NAALADL2: variants seen among roughly 807,000 people sequenced by gnomAD.
The protein encoded by NAALADL2 is N-acetylated alpha-linked acidic dipeptidase like 2.
A neutral mutation model predicts 87.2 loss-of-function variants in NAALADL2; 76 were observed. The ratio of observed to expected loss-of-function variants is 0.87; its 90% CI spans 0.72 to 1.05. The LOEUF (loss-of-function observed/expected upper bound fraction) is 1.05, where lower values mean the gene tolerates loss of function less well. NAALADL2 is among the 50% of genes least tolerant of loss of function. NAALADL2 has a pLI of 0.00. For synonymous variants in NAALADL2, 354 were observed against 331.0 expected (o/e 1.07, Z -0.75); for missense variants, 1,089 against 945.8 (o/e 1.15, Z -1.99).
intron 3 of NAALADL2, among the ~76,000 whole-genome samples, chr3:174,787,611 A>ATATATATATGTATATATATG (rs1414837665): frequency 3.5e-5 from 4 of 114,030 alleles, no homozygotes; most frequent in African/African-American, 1.2e-4. Context: ...ATATATATAT[A>ATATATATATGTATATATATG]TATATATATA....
intron 5 of NAALADL2, among the ~76,000 whole-genome samples, chr3:175,442,582 TTGTA>T (rs1389577604): frequency 1.3e-5 from 2 of 152,162 alleles, no homozygotes; most frequent in Non-Finnish European, 2.9e-5. Context: ...AATTATTTAT[TTGTA>T]ACATTTCAAA....
rs34961612 is a variant in NAALADL2 at position 174,763,666 on chromosome 3, T to C, written c.-9+25920T>C. On this transcript the variant is annotated intron_variant, in intron 3 of 3. Coordinates refer to the NAALADL2 transcript ENST00000434257. ...TTTGATTGCAGCAGACAAAGTTCAG[T>C]GAATTTGCAATGTATCTAGTGTTAA... 2.0e-3 allele frequency among the ~76,000 whole-genome samples: 302 copies of C among 149,834 alleles called. 1 individual carries two copies. The highest frequency in any genetic ancestry group is 7.2e-3 in the African/African-American group (294 of 40,656).
rs1021544005 is a variant in NAALADL2, at chr3:175,151,289, G to A, written c.545+53998G>A. 2.0e-5 allele frequency among the ~76,000 whole-genome samples: 3 copies of A among 152,126 alleles called. No homozygotes were observed. The South Asian group carries it at 6.2e-4, about 31-fold the overall frequency. On this transcript the variant is annotated intron_variant, in intron 2 of 13. Transcript: ENST00000454872. Reference sequence around the variant, plus strand: ...TATGGAAGCCAGGATGAGTTGTCAAGTTCTTATTCACAGAGCAACCACATG... The same window carrying A: ...TATGGAAGCCAGGATGAGTTGTCAAATTCTTATTCACAGAGCAACCACATG...
chr3:175,728,195 A>G (rs1252859848), intron 11 of NAALADL2, among the ~76,000 whole-genome samples: 1 of 152,190 alleles, frequency 6.6e-6, no homozygotes, highest in Non-Finnish European at 1.5e-5. Context: ...CGAATATACA[A>G]GAAACATATC....
intron 2 of NAALADL2, among the ~76,000 whole-genome samples, chr3:174,592,958 G>A (rs1717533294): frequency 6.6e-6 from 1 of 152,018 alleles, no homozygotes; most frequent in African/African-American, 2.4e-5. Flanking sequence ...AAAGGAAGAG[G>A]TAGAGAGAGA....
Position 175,225,687 on chromosome 3 carries a change from T to C in NAALADL2, c.546-8244T>C, listed in dbSNP as rs532040238. On this transcript the variant is annotated intron_variant, in intron 2 of 13. Coordinates refer to ENST00000454872, the MANE Select transcript of NAALADL2 (RefSeq NM_207015.3). ...TTTATTCAGTTATCTATTCACTTAC[T>C]TGAAAAAAATAGAAATAATGACTCT... Among the ~76,000 whole-genome samples the C allele has an allele frequency of 3.3e-5, 5 of 152,270 alleles. No homozygotes were observed. The East Asian group carries it at 5.8e-4, about 18-fold the overall frequency.
intron 4 of NAALADL2, among the ~76,000 whole-genome samples, chr3:175,267,034 TAAA>T (rs11430705): frequency 1.4e-5 from 2 of 146,858 alleles, no homozygotes; most frequent in African/African-American, 5.0e-5. Context: ...GTAAAACTAG[TAAA>T]AAAAAAAAAG....
At chr3:175,733,528 G>T (rs1744074058) in intron 11 of NAALADL2, among the ~76,000 whole-genome samples, 1 of 152,132 alleles carries the variant, frequency 6.6e-6, no homozygotes, top group Admixed American at 6.5e-5. Flanking sequence ...TACAAGATGA[G>T]ATTTGGGTGG....
chr3:175,402,389 G>T (rs1770671512), intron 5 of NAALADL2, among the ~76,000 whole-genome samples: 1 of 151,900 alleles, frequency 6.6e-6, no homozygotes, highest in Non-Finnish European at 1.5e-5. Context: ...CTCATAACTG[G>T]GTCTCCTTCA....
chr3:175,028,628 C>T (rs1239697567), intron 1 of NAALADL2, among the ~76,000 whole-genome samples: 1 of 151,968 alleles, frequency 6.6e-6, no homozygotes, highest in African/African-American at 2.4e-5. Context: ...AAATTTTATA[C>T]ATTAAAATGT....
At chr3:175,217,991 T>C in intron 2 of NAALADL2, 1 of 323,150 alleles carries the variant, frequency 3.1e-6, no homozygotes, top group Admixed American at 3.8e-5. Context: ...CTGTGCTAAT[T>C]TAGCTGTCAT....
chr3:175,022,797 A>C (rs888135188), intron 1 of NAALADL2, among the ~76,000 whole-genome samples: 2 of 152,100 alleles, frequency 1.3e-5, no homozygotes, highest in Non-Finnish European at 2.9e-5. Flanking sequence ...AGACTGCTCA[A>C]AGCACATATT....
chr3:175,107,436 A>T (rs1278031350), intron 2 of NAALADL2, among the ~76,000 whole-genome samples: 3 of 151,876 alleles, frequency 2.0e-5, no homozygotes, highest in Non-Finnish European at 4.4e-5. Context: ...CTTGCCAAAC[A>T]TTCACAATTG....
chr3:174,606,498 A>AAGGCTTG (rs199498525), intron 2 of NAALADL2, among the ~76,000 whole-genome samples: 2,545 of 152,328 alleles, frequency 0.017, 83 homozygotes, highest in African/African-American at 0.057. Context: ...GCTGAAAGCC[A>AAGGCTTG]AGGCTTGAGA....
At chr3:175,597,172 T>C (rs898554440) in intron 10 of NAALADL2, among the ~76,000 whole-genome samples, 1 of 152,042 alleles carries the variant, frequency 6.6e-6, no homozygotes, top group Non-Finnish European at 1.5e-5. Context: ...AAGCAGAGGG[T>C]ACAACATATC....
intron 11 of NAALADL2, among the ~76,000 whole-genome samples, chr3:175,630,544 A>C (rs981443422): frequency 6.6e-6 from 1 of 151,798 alleles, no homozygotes; most frequent in Admixed American, 6.6e-5. Context: ...TGTTTTTACT[A>C]TAAAATATAC....
At chr3:174,904,062 T>C (rs1732664919) in intron 1 of NAALADL2, among the ~76,000 whole-genome samples, 1 of 151,702 alleles carries the variant, frequency 6.6e-6, no homozygotes, top group Non-Finnish European at 1.5e-5. Flanking sequence ...AGCTTATAGA[T>C]ATACAGAGAT....
intron 2 of NAALADL2, among the ~76,000 whole-genome samples, chr3:174,711,797 T>A (rs971987949): frequency 1.3e-5 from 2 of 152,202 alleles, no homozygotes; most frequent in Non-Finnish European, 1.5e-5. Flanking sequence ...GATAAACATA[T>A]GAATTTTTGT....
intron 3 of NAALADL2, among the ~76,000 whole-genome samples, chr3:174,837,283 A>T (rs1723444758): frequency 1.3e-5 from 2 of 152,224 alleles, no homozygotes; most frequent in Non-Finnish European, 2.9e-5. Flanking sequence ...AAATTCAAAC[A>T]AGCTTAGTTA....
Sources: gnomAD v4.1 joint callset for allele counts (sites outside exome capture counted in the v4.1 genomes callset) on GRCh38, gnomAD v4.1.1 for gene constraint, MANE v1.5 for transcripts, NCBI Gene and HGNC (gene_info 2026-07-23, HGNC 2026-07-21) for gene names.